The following CTIF variants were observed in gnomAD, a reference collection of about 807,000 sequenced individuals.
The protein encoded by CTIF is CBP80/20-dependent translation initiation factor.
Under a neutral mutation model 66.0 loss-of-function variants are expected in CTIF, and 21 were observed. That is an observed-to-expected ratio of 0.32 (90% confidence interval 0.23 to 0.46). CTIF has a LOEUF of 0.46. Among genes scored for constraint, CTIF ranks in the 20% least tolerant of loss-of-function variants. CTIF has a pLI of 1.00. For missense variants in CTIF, 739 were observed against 812.7 expected (o/e 0.91, Z 1.10); for synonymous variants, 345 against 326.4 (o/e 1.06, Z -0.62).
intron 10 of CTIF, among the ~76,000 whole-genome samples, chr18:48,844,343 G>T (rs1449999780): frequency 6.6e-6 from 1 of 152,206 alleles, no homozygotes. Flanking sequence ...GCTGGAGCTT[G>T]GTCCACAGGA....
chr18:48,648,772 G>A (rs1003821335), intron 3 of CTIF, among the ~76,000 whole-genome samples: 2 of 152,162 alleles, frequency 1.3e-5, no homozygotes, highest in African/African-American at 4.8e-5. Flanking sequence ...CCAATATAGA[G>A]TCACCAATGT....
At chr18:48,719,856 C>T (rs572067600) in intron 7 of CTIF, among the ~76,000 whole-genome samples, 10 of 152,226 alleles carry the variant, frequency 6.6e-5, no homozygotes, top group East Asian at 3.9e-4. Context: ...ATGTGCCTTC[C>T]GGAGAAAATG....
chr18:48,690,875 C>T (rs2091915820), intron 6 of CTIF, among the ~76,000 whole-genome samples: 1 of 152,044 alleles, frequency 6.6e-6, no homozygotes, highest in Non-Finnish European at 1.5e-5. Flanking sequence ...TCAAGCAAGA[C>T]AATAATGGAG....
At chr18:48,721,028 T>C (rs2092330027) in intron 7 of CTIF, among the ~76,000 whole-genome samples, 1 of 152,164 alleles carries the variant, frequency 6.6e-6, no homozygotes, top group Admixed American at 6.5e-5. Flanking sequence ...TACAGCTCAT[T>C]TTGGCAGAGC....
chr18:48,631,580 T>A (rs1216146088), intron 2 of CTIF, among the ~76,000 whole-genome samples: 2 of 152,224 alleles, frequency 1.3e-5, no homozygotes, highest in African/African-American at 2.4e-5. Flanking sequence ...CAGAGAATAA[T>A]AAAATGCACA....
At chr18:48,612,890 G>T (rs888772850) in intron 1 of CTIF, among the ~76,000 whole-genome samples, 8 of 152,242 alleles carry the variant, frequency 5.3e-5, no homozygotes, top group African/African-American at 1.7e-4. Context: ...CAGAAATTGG[G>T]GTCTTCCTGG....
intron 10 of CTIF, among the ~76,000 whole-genome samples, chr18:48,823,604 C>T (rs1226068791): frequency 6.6e-6 from 1 of 152,176 alleles, no homozygotes; most frequent in African/African-American, 2.4e-5. Flanking sequence ...GTGATTGCCT[C>T]AAGCTTTGTT....
chr18:48,737,609 T>C (rs1026044132), intron 7 of CTIF, among the ~76,000 whole-genome samples: 1 of 150,850 alleles, frequency 6.6e-6, no homozygotes, highest in Admixed American at 6.6e-5. Context: ...ACCTTACTAA[T>C]GTTAACTGAA....
intron 7 of CTIF, among the ~76,000 whole-genome samples, chr18:48,748,202 G>A (rs1355124780): frequency 1.3e-5 from 2 of 152,020 alleles, no homozygotes; most frequent in Admixed American, 6.5e-5. Context: ...ACGGGGGTTC[G>A]GGCCCTGGTC....
chr18:48,841,078 A>T (rs1007050257), intron 10 of CTIF, among the ~76,000 whole-genome samples: 3 of 152,142 alleles, frequency 2.0e-5, no homozygotes, highest in Admixed American at 2.0e-4. Context: ...CTTGCTCGTT[A>T]TTTATGCCCT....
intron 6 of CTIF, among the ~76,000 whole-genome samples, chr18:48,707,481 C>T (rs2092171737): frequency 6.6e-6 from 1 of 152,144 alleles, no homozygotes; most frequent in South Asian, 2.1e-4. Context: ...TTGAGATTAA[C>T]TGGTGGGGGG....
At chr18:48,780,656 A>G (rs1170301334) in intron 9 of CTIF, among the ~76,000 whole-genome samples, 1 of 152,186 alleles carries the variant, frequency 6.6e-6, no homozygotes, top group Non-Finnish European at 1.5e-5. Context: ...GCATGCATCA[A>G]GATGCATGCA....
At chr18:48,593,250 G>A (rs987198824) in intron 1 of CTIF, among the ~76,000 whole-genome samples, 6 of 152,154 alleles carry the variant, frequency 3.9e-5, no homozygotes, top group South Asian at 2.1e-4. Flanking sequence ...CACCTCCGCT[G>A]GGATTCTTAA....
chr18:48,711,136 T>A (rs895288310), intron 6 of CTIF, among the ~76,000 whole-genome samples: 11 of 152,186 alleles, frequency 7.2e-5, no homozygotes, highest in Non-Finnish European at 1.3e-4. Flanking sequence ...TTCACAGGGC[T>A]TAGGGTTTTC....
intron 1 of CTIF, among the ~76,000 whole-genome samples, chr18:48,600,941 G>A (rs559414943): frequency 6.6e-6 from 1 of 152,128 alleles, no homozygotes; most frequent in South Asian, 2.1e-4. Context: ...TGTTAAGCTT[G>A]TTGAAATCTG....
intron 9 of CTIF, among the ~76,000 whole-genome samples, chr18:48,766,738 A>C (rs1426864354): frequency 6.6e-6 from 1 of 152,134 alleles, no homozygotes; most frequent in Non-Finnish European, 1.5e-5. Flanking sequence ...CATGGGGGAA[A>C]ACTCCGAGTC....
chr18:48,833,150 G>A (rs761100608), intron 10 of CTIF, among the ~76,000 whole-genome samples: 7 of 152,238 alleles, frequency 4.6e-5, no homozygotes, highest in Non-Finnish European at 1.0e-4. Flanking sequence ...CACAGAGGTG[G>A]CTTGCCTGGC....
At chr18:48,802,076 T>C (rs2068059788) in intron 9 of CTIF, among the ~76,000 whole-genome samples, 1 of 152,238 alleles carries the variant, frequency 6.6e-6, no homozygotes, top group South Asian at 2.1e-4. Context: ...TTTCATTTTA[T>C]AGATAAGGAT....
chr18:48,649,089 C>A (rs1266848225), intron 3 of CTIF, among the ~76,000 whole-genome samples: 3 of 152,230 alleles, frequency 2.0e-5, no homozygotes, highest in African/African-American at 7.2e-5. Flanking sequence ...CCTGGTTCAT[C>A]TCACTGGGAC....
Sources: allele counts gnomAD v4.1 joint callset (sites outside exome capture counted in the v4.1 genomes callset), GRCh38; gene constraint gnomAD v4.1.1; transcripts MANE v1.5; gene names NCBI Gene and HGNC (gene_info 2026-07-23, HGNC 2026-07-21).